The following ZMYM1 variants were observed in gnomAD, a reference collection of about 807,000 sequenced individuals.
ZMYM1 encodes the protein zinc finger MYM-type protein 1.
In ZMYM1, 39 loss-of-function variants were observed where a neutral mutation model predicts 60.0. The observed-to-expected ratio is 0.65, with a 90% confidence interval of 0.50 to 0.85. The LOEUF is 0.85. Among genes scored for constraint, ZMYM1 ranks in the 40% least tolerant of loss-of-function variants. The pLI is 0.00. For synonymous variants in ZMYM1, 413 were observed against 454.0 expected (o/e 0.91, Z 1.15); for missense variants, 1,171 against 1,309.5 (o/e 0.89, Z 1.63).
chr1:35,090,592 G>A (rs1386219992), intron 1 of ZMYM1, among the ~76,000 whole-genome samples: 1 of 152,172 alleles, frequency 6.6e-6, no homozygotes, highest in Non-Finnish European at 1.5e-5. Context: ...GACCAAAAAG[G>A]AATCTATTGA....
chr1:35,114,890 TGAG>T lies in ZMYM1; in HGVS notation c.3063_3065del (p.Glu1021del). On this transcript the variant is annotated inframe_deletion, in exon 10 of 10. Coordinates refer to ENST00000359858, the MANE Select transcript of ZMYM1 (RefSeq NM_024772.5). Reference sequence around the variant, plus strand: ...ATGTTCAGGAATTTTATAAACTTGATGAGGACATTATCCCAGAACTTAGATTTT... The same window carrying T: ...ATGTTCAGGAATTTTATAAACTTGATGACATTATCCCAGAACTTAGATTTT... The T allele has an allele frequency of 2.5e-6, 4 of 1,609,358 alleles. No homozygotes were observed. The highest frequency in any genetic ancestry group is 2.5e-6 in the Non-Finnish European group (3 of 1,176,706).
rs377118155 is a variant in ZMYM1, at chr1:35,115,301, T to C, written c.*42T>C. On this transcript the variant is annotated 3_prime_UTR_variant, in exon 10 of 10. Coordinates refer to ENST00000359858, the MANE Select transcript of ZMYM1 (RefSeq NM_024772.5). ...CTTACCTAAAAGACTTGTATTTCCA[T>C]TGGGATGTTTTCATTTCAAAATTGT... The C allele has an allele frequency of 6.8e-5, 102 of 1,495,358 alleles. 1 individual carries two copies. The African/African-American group carries it at 8.3e-4, about 12-fold the overall frequency. The allele number at this position is 1,495,358 out of a possible 1,614,324, so 92.6% of individuals were successfully genotyped here.
In ZMYM1 at chr1:35,093,597, G is replaced by A. The variant is rs527288658; in HGVS notation, c.-74-317G>A. On this transcript the variant is annotated intron_variant, in intron 1 of 9. Coordinates refer to ENST00000359858, the MANE Select transcript of ZMYM1 (RefSeq NM_024772.5). The stretch of plus-strand genomic sequence containing the variant: ...CAGGCGTGAGCCACCGACCCTGGCC[G>A]AAAGCTTTACATTTTCTCCTATTGA... 3.3e-5 allele frequency among the ~76,000 whole-genome samples: 5 copies of A among 152,200 alleles called. No homozygotes were observed. In the South Asian group the frequency reaches 6.2e-4, roughly 19 times the overall value.
At chr1:35,112,905 G>T in intron 9 of ZMYM1, 72 bp from the exon 10 acceptor site, 2 of 1,326,980 alleles carry the variant, frequency 1.5e-6, no homozygotes, top group South Asian at 1.9e-5. Context: ...TATGTTATTA[G>T]AGTAGATATA....
chr1:35,100,478 C>T (rs1178099020), intron 4 of ZMYM1, among the ~76,000 whole-genome samples: 1 of 151,792 alleles, frequency 6.6e-6, no homozygotes, highest in African/African-American at 2.4e-5. Flanking sequence ...AAAAATTAGC[C>T]AGGCGTGGTG....
Position 35,113,603 on chromosome 1 carries a change from A to G in ZMYM1, c.1773A>G (p.Glu591=), listed in dbSNP as rs1481290685. 6.2e-7 allele frequency: 1 copy of G among 1,613,786 alleles called. No individual in the cohort carries two copies. The highest frequency in any genetic ancestry group is 2.2e-5 in the East Asian group (1 of 44,836). The change falls in exon 10 of 10, where the codon GAA becomes GAG. Residue 591 remains glutamate (E), a synonymous_variant. Transcript: ENST00000359858. ...VNKGNFLELL[E]MRAKDKGEET... ...AAGGCAATTTTTTAGAATTGTTAGAAATGAGAGCAAAAGATAAAGGAGAAG... is the reference window on the plus strand; with the variant it reads ...AAGGCAATTTTTTAGAATTGTTAGAGATGAGAGCAAAAGATAAAGGAGAAG...
chr1:35,095,898 G>A lies in ZMYM1; in HGVS notation c.169+7G>A, dbSNP rs776793968. On this transcript the variant is annotated splice_region_variant and intron_variant, in intron 3 of 9. Transcript: ENST00000359858. ...GCTGTGTTTTCAGAGAGTGGTAATA[G>A]AATTATTTAAGTTAGTTATGTTTAT... is the stretch of plus-strand genomic sequence containing the variant. 1.3e-6 allele frequency: 2 copies of A among 1,586,454 alleles called. No individual in the cohort carries two copies. The highest frequency in any genetic ancestry group is 4.5e-5 in the East Asian group (2 of 44,644).
intron 1 of ZMYM1, among the ~76,000 whole-genome samples, chr1:35,091,415 G>A (rs143933652): frequency 1.3e-5 from 2 of 151,892 alleles, no homozygotes; most frequent in African/African-American, 4.8e-5. Context: ...GGGTTTCACC[G>A]TGTTAGCCAG....
Position 35,098,688 on chromosome 1 carries a change from C to G in ZMYM1, c.419+1122C>G, listed in dbSNP as rs1046614064. 2.6e-5 allele frequency among the ~76,000 whole-genome samples: 4 copies of G among 152,048 alleles called. No homozygotes were observed. In the East Asian group the frequency reaches 7.7e-4, roughly 29 times the overall value. Reference sequence around the variant, plus strand: ...TAGGGAGGCCGAGGTGGGCAGAATGCCTGAGCTCAGGAGTTTGAGACCAGC... The same window carrying G: ...TAGGGAGGCCGAGGTGGGCAGAATGGCTGAGCTCAGGAGTTTGAGACCAGC... On this transcript the variant is annotated intron_variant, in intron 4 of 9. Coordinates refer to ENST00000359858, the MANE Select transcript of ZMYM1 (RefSeq NM_024772.5).
chr1:35,104,497 G>A (rs775755143), intron 5 of ZMYM1, 28 bp downstream of exon 5: 2 of 1,610,558 alleles, frequency 1.2e-6, no homozygotes, highest in East Asian at 4.5e-5. Context: ...CCTTTACAGG[G>A]ATTCTGATGA....
intron 4 of ZMYM1, among the ~76,000 whole-genome samples, chr1:35,101,584 T>A (rs1253110593): frequency 6.6e-6 from 1 of 151,130 alleles, no homozygotes; most frequent in Non-Finnish European, 1.5e-5. Flanking sequence ...ATGCCTCAAA[T>A]ATCTTTACCT....
Position 35,114,660 on chromosome 1 carries a change from T to G in ZMYM1, c.2830T>G (p.Ser944Ala). 6.3e-7 allele frequency: 1 copy of G among 1,595,434 alleles called. No homozygotes were observed. The highest frequency in any genetic ancestry group is 8.5e-7 in the Non-Finnish European group (1 of 1,175,226). Reference sequence around the variant, plus strand: ...TCAGAAAAGAAGAAAAATTCAGAAATCAGTAGATCTTGGCAATTCAGATAA... The same window carrying G: ...TCAGAAAAGAAGAAAAATTCAGAAAGCAGTAGATCTTGGCAATTCAGATAA... ...SLQKRRKIQK[S>A]VDLGNSDNMF... Residue 944 changes from serine to alanine, a missense_variant, in exon 10 of 10, where the codon TCA (serine) becomes GCA (alanine). Ser to Ala is a moderately conservative substitution (Grantham distance 99, BLOSUM62 1). Transcript: ENST00000359858.
chr1:35,108,161 C>T (rs1224956195), intron 6 of ZMYM1, among the ~76,000 whole-genome samples: 2 of 151,938 alleles, frequency 1.3e-5, no homozygotes, highest in East Asian at 3.9e-4. Context: ...TGTTGCTTAA[C>T]GTTAAAGATT....
At position 35,104,788 on chromosome 1, in the gene ZMYM1, T is replaced by G. The variant is rs777463046; in HGVS notation, c.807+19T>G. Reference sequence around the variant, plus strand: ...TAAGCAGGTATGAATAAAGACCTATTGTTTCTTCTATTAACTGGCCTATGA... The same window carrying G: ...TAAGCAGGTATGAATAAAGACCTATGGTTTCTTCTATTAACTGGCCTATGA... On this transcript the variant is annotated intron_variant, in intron 6 of 9. Coordinates refer to ENST00000359858, the MANE Select transcript of ZMYM1 (RefSeq NM_024772.5). 1 of 1,590,480 alleles carries G rather than the reference T, an allele frequency of 6.3e-7. No homozygotes were observed. Among genetic ancestry groups the G allele is most frequent in the Non-Finnish European group, 8.6e-7 (1 of 1,160,548 alleles).
rs80055608 is a variant in ZMYM1, at chr1:35,110,234, T to C, written c.808-60T>C. ...AACTAAAAGCAGTGGTAATAGGTTC[T>C]TCTTCATTAACAACATATCATATAC... On this transcript the variant is annotated intron_variant, in intron 6 of 9. Transcript: ENST00000359858. 4,245 of 1,246,498 alleles carry C rather than the reference T, an allele frequency of 3.4e-3. 112 individuals carry two copies. The African/African-American group carries it at 0.056, about 16-fold the overall frequency. 77.2% of individuals were successfully genotyped at this position (1,246,498 alleles called of 1,614,324 possible).
At chr1:35,070,868 T>C (rs1293203289) in intron 1 of ZMYM1, among the ~76,000 whole-genome samples, 2 of 151,958 alleles carry the variant, frequency 1.3e-5, no homozygotes, top group African/African-American at 4.8e-5. Context: ...TCTGCATATA[T>C]TGAAATAATG....
At chr1:35,073,872 T>TGGGAG (rs1437057596) in intron 1 of ZMYM1, among the ~76,000 whole-genome samples, 2 of 152,182 alleles carry the variant, frequency 1.3e-5, no homozygotes, top group Non-Finnish European at 2.9e-5. Context: ...CTTGGCTCAC[T>TGGGAG]GCAACTTCCG....
rs540566729 is a variant in ZMYM1, at chr1:35,081,492, A to G, written c.-75+2050A>G. ...CTGCTGGGATTTTCATCTACAGCTT[A>G]ATTAGGAGAAAAATTAATATTGACT... On this transcript the variant is annotated intron_variant, in intron 1 of 9. Coordinates refer to ENST00000359858, the MANE Select transcript of ZMYM1 (RefSeq NM_024772.5). Among the ~76,000 whole-genome samples the G allele has an allele frequency of 4.9e-4, 74 of 152,232 alleles. 1 individual carries two copies. The South Asian group carries it at 0.014, about 29-fold the overall frequency.
rs1217203710 is a variant in ZMYM1, at chr1:35,104,477, C to T, written c.594+8C>T. On this transcript the variant is annotated splice_region_variant and intron_variant, in intron 5 of 9. Coordinates refer to ENST00000359858, the MANE Select transcript of ZMYM1 (RefSeq NM_024772.5). Reference sequence around the variant, plus strand: ...TGCCAGAAGACTGCTATTGTAAGTTCCAATTATAACCTTTACAGGGATTCT... The same window carrying T: ...TGCCAGAAGACTGCTATTGTAAGTTTCAATTATAACCTTTACAGGGATTCT... The T allele has an allele frequency of 4.4e-6, 7 of 1,607,904 alleles. No individual in the cohort carries two copies. In the East Asian group the frequency reaches 1.6e-4, roughly 36 times the overall value.
Sources: gnomAD v4.1 joint callset for allele counts (sites outside exome capture counted in the v4.1 genomes callset) on GRCh38, gnomAD v4.1.1 for gene constraint, MANE v1.5 for transcripts, NCBI Gene and HGNC (gene_info 2026-07-23, HGNC 2026-07-21) for gene names.